Variants in KLHL29 observed in about 807,000 individuals in gnomAD.
The protein encoded by KLHL29 is kelch-like protein 29.
A neutral mutation model predicts 80.4 loss-of-function variants in KLHL29; 21 were observed. The ratio of observed to expected loss-of-function variants is 0.26; its 90% CI spans 0.19 to 0.38. The LOEUF (loss-of-function observed/expected upper bound fraction) is 0.38, where lower values mean the gene tolerates loss of function less well. Ranked by LOEUF, KLHL29 falls within the 10% of genes least tolerant of loss-of-function variation. KLHL29 has a pLI of 1.00. For synonymous variants in KLHL29, 511 were observed against 526.8 expected (o/e 0.97, Z 0.41); for missense variants, 867 against 1,223.9 (o/e 0.71, Z 4.35).
chr2:23,540,416 C>T (rs1210499771), intron 2 of KLHL29, among the ~76,000 whole-genome samples: 1 of 152,240 alleles, frequency 6.6e-6, no homozygotes, highest in Non-Finnish European at 1.5e-5. Flanking sequence ...GCGTTTCCAC[C>T]ATTGCAGAAA....
chr2:23,525,176 G>A (rs187075076), intron 2 of KLHL29, among the ~76,000 whole-genome samples: 24 of 152,332 alleles, frequency 1.6e-4, no homozygotes, highest in Non-Finnish European at 2.6e-4. Context: ...GCACGTAGGA[G>A]GGAGGAAAAA....
chr2:23,573,509 G>A (rs1296644760), intron 3 of KLHL29, among the ~76,000 whole-genome samples: 1 of 152,194 alleles, frequency 6.6e-6, no homozygotes, highest in Non-Finnish European at 1.5e-5. Context: ...GGTGAAATTG[G>A]TTGGATGAGC....
intron 1 of KLHL29, among the ~76,000 whole-genome samples, chr2:23,432,407 A>C (rs1353047974): frequency 6.6e-6 from 1 of 152,208 alleles, no homozygotes; most frequent in South Asian, 2.1e-4. Context: ...TAAATGGGGA[A>C]GCTTTCTATT....
chr2:23,693,521 G>A lies in KLHL29; in HGVS notation c.1535G>A (p.Arg512His), dbSNP rs2149207942. 3 of 1,549,754 alleles carry A rather than the reference G, an allele frequency of 1.9e-6. No individual in the cohort carries two copies. Among genetic ancestry groups the A allele is most frequent in the South Asian group, 1.2e-5 (1 of 84,046 alleles). The change falls in exon 8 of 14, where the codon CGC (arginine) becomes CAC (histidine). Residue 512 changes from arginine (R) to histidine (H), a missense_variant. Physicochemically the swap from Arg to His is conservative, Grantham distance 29. Around this residue, in one of 2 missense-constraint regions of KLHL29, gnomAD observed 443 missense variants for 767.0 expected, o/e 0.58. Coordinates refer to ENST00000486442, the MANE Select transcript of KLHL29 (RefSeq NM_052920.2). ...TGGATCAAGAAGGACCCCGCGACAC[G>A]CACACAGGTGGGGCCTGCCCTGTCC... is the stretch of plus-strand genomic sequence containing the variant. Reference protein sequence around the residue: ...IKWIKKDPATRTQYAAELLAV... With the variant: ...IKWIKKDPATHTQYAAELLAV...
intron 3 of KLHL29, among the ~76,000 whole-genome samples, chr2:23,593,236 C>A (rs1320227217): frequency 6.6e-6 from 1 of 152,170 alleles, no homozygotes; most frequent in Non-Finnish European, 1.5e-5. Context: ...CTAATGTGAT[C>A]CTGAGGCTCA....
rs575599714 is a variant in KLHL29 at position 23,431,661 on chromosome 2, G to A, written c.-153-43899G>A. On this transcript the variant is annotated intron_variant, in intron 1 of 13. Coordinates refer to ENST00000486442, the MANE Select transcript of KLHL29 (RefSeq NM_052920.2). ...TAATCCCAGCACTTTGGGAGGCCTA[G>A]GCGGGTGGATCATTGAGGTCAGGAG... is the stretch of plus-strand genomic sequence containing the variant. 8.5e-5 allele frequency among the ~76,000 whole-genome samples: 13 copies of A among 152,284 alleles called. 3 individuals carry two copies. The highest frequency in any genetic ancestry group is 3.1e-4 in the African/African-American group (13 of 41,570).
chr2:23,670,990 C>CG (rs1670725601), intron 5 of KLHL29, among the ~76,000 whole-genome samples: 1 of 76,546 alleles, frequency 1.3e-5, no homozygotes, highest in East Asian at 5.1e-4. Flanking sequence ...CCCTCCCTCC[C>CG]TCCCTCCCTC....
chr2:23,706,784 C>T lies in KLHL29; in HGVS notation c.*120C>T, dbSNP rs745646115. The T allele has an allele frequency of 3.9e-5, 25 of 645,130 alleles. No individual in the cohort carries two copies. Among genetic ancestry groups the T allele is most frequent in the African/African-American group, 1.5e-4 (8 of 53,818 alleles). The allele number at this position is 645,130 out of a possible 1,614,324, so 40.0% of individuals were successfully genotyped here. ...CAAAACACAATCAAGGAACTCACTG[C>T]GCTCAACATGTTGAATATTCTCTAC... On this transcript the variant is annotated 3_prime_UTR_variant, in exon 14 of 14. Transcript: ENST00000486442.
intron 1 of KLHL29, among the ~76,000 whole-genome samples, chr2:23,435,572 G>A (rs1044495263): frequency 6.6e-6 from 1 of 152,160 alleles, no homozygotes; most frequent in Non-Finnish European, 1.5e-5. Flanking sequence ...CCAAGTTTGG[G>A]GAATGAGCTG....
chr2:23,660,143 C>G (rs967858743), intron 5 of KLHL29, among the ~76,000 whole-genome samples: 2 of 152,184 alleles, frequency 1.3e-5, no homozygotes, highest in Non-Finnish European at 2.9e-5. Context: ...CAGGTCTCTT[C>G]TCTGTGACTC....
At chr2:23,437,639 C>A (rs1347207013) in intron 1 of KLHL29, among the ~76,000 whole-genome samples, 1 of 152,186 alleles carries the variant, frequency 6.6e-6, no homozygotes, top group African/African-American at 2.4e-5. Context: ...TGCAAAAATC[C>A]ACATTAAAAC....
intron 1 of KLHL29, among the ~76,000 whole-genome samples, chr2:23,452,425 C>T (rs1663909672): frequency 6.6e-6 from 1 of 152,096 alleles, no homozygotes; most frequent in Admixed American, 6.5e-5. Context: ...TGCCTCCCAC[C>T]AAGCCCCACC....
At chr2:23,402,556 T>C (rs1241238653) in intron 1 of KLHL29, among the ~76,000 whole-genome samples, 1 of 151,570 alleles carries the variant, frequency 6.6e-6, no homozygotes, top group Non-Finnish European at 1.5e-5. Flanking sequence ...CTCCCTGGCA[T>C]CCCCCAGCAG....
At chr2:23,571,710 G>A (rs768996977) in intron 3 of KLHL29, among the ~76,000 whole-genome samples, 17 of 152,212 alleles carry the variant, frequency 1.1e-4, no homozygotes, top group Admixed American at 2.0e-4. Context: ...GCCTTGAACT[G>A]CTATAACCTT....
intron 5 of KLHL29, among the ~76,000 whole-genome samples, chr2:23,656,343 C>T (rs1260760083): frequency 1.3e-5 from 2 of 152,122 alleles, no homozygotes; most frequent in East Asian, 3.9e-4. Context: ...GAGCAGAGAC[C>T]CCAGAGCAGA....
At chr2:23,584,788 G>T (rs1456843020) in intron 3 of KLHL29, among the ~76,000 whole-genome samples, 1 of 152,150 alleles carries the variant, frequency 6.6e-6, no homozygotes, top group Non-Finnish European at 1.5e-5. Context: ...CCAGGCCGGA[G>T]TGCAATAACA....
chr2:23,640,811 G>T (rs1010251117), intron 4 of KLHL29, among the ~76,000 whole-genome samples: 6 of 152,236 alleles, frequency 3.9e-5, no homozygotes, highest in African/African-American at 1.4e-4. Flanking sequence ...CTGGGAAGGG[G>T]CGATGCAGGC....
chr2:23,673,623 C>CACACACACACAT (rs1346460786), intron 5 of KLHL29, among the ~76,000 whole-genome samples: 1 of 151,428 alleles, frequency 6.6e-6, no homozygotes, highest in African/African-American at 2.4e-5. Context: ...CACCTCCTCT[C>CACACACACACAT]ACACACACAC....
At chr2:23,461,991 A>G (rs1328416809) in intron 1 of KLHL29, among the ~76,000 whole-genome samples, 2 of 69,336 alleles carry the variant, frequency 2.9e-5, no homozygotes, top group Non-Finnish European at 5.1e-5. Context: ...TTTTTTTTTA[A>G]TGACAAAAAT....
Sources: allele counts gnomAD v4.1 joint callset (sites outside exome capture counted in the v4.1 genomes callset), GRCh38; gene constraint gnomAD v4.1.1; regional missense constraint gnomAD v4.1.1; transcripts MANE v1.5; gene names NCBI Gene and HGNC (gene_info 2026-07-23, HGNC 2026-07-21).